Variants in RBMS3 observed in about 807,000 individuals in gnomAD.
RBMS3 encodes RNA binding motif single stranded interacting protein 3.
In RBMS3, 27 loss-of-function variants were observed where a neutral mutation model predicts 66.8. The observed-to-expected ratio is 0.40, with a 90% CI of 0.30 to 0.56. RBMS3 has a LOEUF of 0.56. Among genes scored for constraint, RBMS3 ranks in the 20% least tolerant of loss-of-function variants. RBMS3 has a pLI of 0.40. For missense variants in RBMS3, 513 were observed against 549.5 expected, an observed-to-expected ratio of 0.93 and a Z score of 0.66; for synonymous variants, 188 against 183.0, an observed-to-expected ratio of 1.03 and a Z score of -0.22.
At chr3:29,500,762 G>A (rs2043936897) in intron 3 of RBMS3, among the ~76,000 whole-genome samples, 1 of 151,856 alleles carries the variant, frequency 6.6e-6, no homozygotes, top group South Asian at 2.1e-4. Context: ...ATCACCTAAG[G>A]ACACATTTCT....
intron 12 of RBMS3, among the ~76,000 whole-genome samples, chr3:29,972,767 T>C (rs1697310223): frequency 6.6e-6 from 1 of 152,086 alleles, no homozygotes; most frequent in Non-Finnish European, 1.5e-5. Context: ...GAATTTACTC[T>C]GTGTGTGGCA....
intron 1 of RBMS3, among the ~76,000 whole-genome samples, chr3:29,306,820 C>T (rs568780114): frequency 6.6e-6 from 1 of 151,772 alleles, no homozygotes; most frequent in Non-Finnish European, 1.5e-5. Flanking sequence ...GTTCTTTTTG[C>T]CCTGTTTCTA....
intron 1 of RBMS3, among the ~76,000 whole-genome samples, chr3:29,381,611 C>T (rs187494537): frequency 5.9e-5 from 9 of 152,312 alleles, no homozygotes; most frequent in Admixed American, 5.9e-4. Context: ...TTTTCTACCA[C>T]TTTGCAGAAA....
At chr3:29,615,359 C>T (rs576788707) in intron 4 of RBMS3, 1 of 152,248 alleles carries the variant, frequency 6.6e-6, no homozygotes, top group South Asian at 2.1e-4. Context: ...AAGACTACCT[C>T]TGAACTTAAC....
chr3:29,798,696 A>G (rs999071758), intron 6 of RBMS3, among the ~76,000 whole-genome samples: 1 of 152,178 alleles, frequency 6.6e-6, no homozygotes, highest in Admixed American at 6.5e-5. Context: ...AGTTTTATAG[A>G]ACCCTCACCT....
At chr3:29,593,679 C>T (rs1028224084) in intron 4 of RBMS3, among the ~76,000 whole-genome samples, 1 of 147,134 alleles carries the variant, frequency 6.8e-6, no homozygotes, top group African/African-American at 2.7e-5. Flanking sequence ...ATTTTTCCCC[C>T]ATGGGGACAA....
At chr3:29,372,666 T>C (rs978304982) in intron 1 of RBMS3, among the ~76,000 whole-genome samples, 1 of 152,162 alleles carries the variant, frequency 6.6e-6, no homozygotes, top group Non-Finnish European at 1.5e-5. Flanking sequence ...TTTACTGTTA[T>C]TCCTCTAATA....
intron 8 of RBMS3, among the ~76,000 whole-genome samples, chr3:29,896,873 G>A (rs915678923): frequency 5.3e-5 from 8 of 151,530 alleles, no homozygotes; most frequent in African/African-American, 1.9e-4. Flanking sequence ...TTCCAACCTC[G>A]ATACAAATTG....
At chr3:29,731,526 T>C (rs2054135789) in intron 4 of RBMS3, among the ~76,000 whole-genome samples, 1 of 152,160 alleles carries the variant, frequency 6.6e-6, no homozygotes, top group Non-Finnish European at 1.5e-5. Context: ...AGGTACCATT[T>C]AAGGGTGAAA....
At chr3:30,000,030 C>T (rs1699511351) in intron 14 of RBMS3, among the ~76,000 whole-genome samples, 1 of 151,850 alleles carries the variant, frequency 6.6e-6, no homozygotes. Flanking sequence ...AAAAAGAAGC[C>T]AAACTAGACA....
At chr3:29,702,747 A>G (rs544782042) in intron 4 of RBMS3, among the ~76,000 whole-genome samples, 7 of 152,188 alleles carry the variant, frequency 4.6e-5, no homozygotes, top group Non-Finnish European at 1.0e-4. Context: ...GAAGGTCTGC[A>G]GTTTTACTCC....
At chr3:29,532,347 T>G (rs1359993004) in intron 3 of RBMS3, among the ~76,000 whole-genome samples, 1 of 147,614 alleles carries the variant, frequency 6.8e-6, no homozygotes, top group Non-Finnish European at 1.5e-5. Context: ...AAGACAAGAG[T>G]CCCTTGGACT....
chr3:29,633,947 A>G (rs1409166764), intron 4 of RBMS3, among the ~76,000 whole-genome samples: 1 of 151,950 alleles, frequency 6.6e-6, no homozygotes, highest in Non-Finnish European at 1.5e-5. Flanking sequence ...ATTTAGCAAA[A>G]TAGAGTCAAC....
chr3:29,636,937 A>T (rs981182929), intron 4 of RBMS3, among the ~76,000 whole-genome samples: 1 of 151,876 alleles, frequency 6.6e-6, no homozygotes, highest in Non-Finnish European at 1.5e-5. Flanking sequence ...CAAATGGGTC[A>T]TCTCAACTAA....
intron 4 of RBMS3, chr3:29,697,246 T>A: frequency 1.9e-6 from 1 of 515,494 alleles, no homozygotes; most frequent in Non-Finnish European, 2.5e-6. Context: ...GAAACAAATG[T>A]AGTTTTGGTA....
At chr3:29,496,154 T>A (rs1245120496) in intron 3 of RBMS3, among the ~76,000 whole-genome samples, 1 of 146,506 alleles carries the variant, frequency 6.8e-6, no homozygotes, top group Non-Finnish European at 1.5e-5. Flanking sequence ...ACACATTTAT[T>A]CAATTTTCAT....
chr3:29,317,457 A>C (rs957836269), intron 1 of RBMS3, among the ~76,000 whole-genome samples: 1 of 151,724 alleles, frequency 6.6e-6, no homozygotes. Context: ...TTCTATCATT[A>C]TTGCGACAAC....
intron 4 of RBMS3, among the ~76,000 whole-genome samples, chr3:29,659,419 T>C (rs1293482520): frequency 6.6e-6 from 1 of 152,152 alleles, no homozygotes. Flanking sequence ...GCAACAGCCA[T>C]TCTATTTTCT....
intron 6 of RBMS3, among the ~76,000 whole-genome samples, chr3:29,830,173 T>G (rs1038317800): frequency 3.9e-5 from 6 of 152,072 alleles, no homozygotes; most frequent in African/African-American, 1.2e-4. Context: ...GACTTCTGCC[T>G]TGAGACATTT....
Sources: allele counts gnomAD v4.1 joint callset (sites outside exome capture counted in the v4.1 genomes callset), GRCh38; gene constraint gnomAD v4.1.1; transcripts MANE v1.5; gene names NCBI Gene and HGNC (gene_info 2026-07-23, HGNC 2026-07-21).